The following BLZF1 variants were observed in gnomAD, a reference collection of about 807,000 sequenced individuals.
BLZF1 encodes golgin-45.
In BLZF1, 39 loss-of-function variants were observed where a neutral mutation model predicts 43.8. The observed-to-expected ratio is 0.89, with a 90% confidence interval of 0.69 to 1.16. The LOEUF is 1.16. Ranked by LOEUF, BLZF1 falls within the 50% of genes most tolerant of loss-of-function variation. The pLI, the probability that BLZF1 is intolerant of heterozygous loss-of-function variation, is 0.00. For missense variants in BLZF1, 449 were observed against 469.8 expected (o/e 0.96, Z 0.41); for synonymous variants, 136 against 159.4 (o/e 0.85, Z 1.11).
At chr1:169,385,488 A>G (rs1654640252) in intron 6 of BLZF1, among the ~76,000 whole-genome samples, 1 of 152,174 alleles carries the variant, frequency 6.6e-6, no homozygotes, top group Non-Finnish European at 1.5e-5. Flanking sequence ...CTTTCTGTTC[A>G]TATTAGTGGG....
At position 169,376,799 on chromosome 1, in the gene BLZF1, T is replaced by C; in HGVS notation, c.288T>C (p.Asn96=). The C allele has an allele frequency of 6.2e-7, 1 of 1,613,316 alleles. No homozygotes were observed. The highest frequency in any genetic ancestry group is 8.5e-7 in the Non-Finnish European group (1 of 1,179,556). Residue 96 remains asparagine (N), a synonymous_variant, in exon 3 of 7, where the codon AAT becomes AAC. Coordinates refer to ENST00000367808, the MANE Select transcript of BLZF1 (RefSeq NM_001320973.2). ...AAITHDIPNK[N]TKVKSLGHHK... ...TAACTCATGATATCCCCAACAAAAA[T>C]ACAAAGGTTAAGTCTCTGGGACATC...
chr1:169,370,849 A>G (rs1246575709), intron 2 of BLZF1, among the ~76,000 whole-genome samples: 1 of 152,168 alleles, frequency 6.6e-6, no homozygotes, highest in Non-Finnish European at 1.5e-5. Context: ...TTTATGATTC[A>G]TACCCTTATA....
downstream of BLZF1, among the ~76,000 whole-genome samples, chr1:169,391,808 T>C (rs1654820979): frequency 1.3e-5 from 1 of 74,918 alleles, no homozygotes; most frequent in Admixed American, 1.6e-4. Context: ...CAGTTACCCT[T>C]GTCTCCTGCT....
downstream of BLZF1, among the ~76,000 whole-genome samples, chr1:169,389,839 A>G (rs530073402): frequency 8.8e-4 from 134 of 152,164 alleles, 1 homozygote; most frequent in African/African-American, 3.1e-3. Context: ...GAAATAAGTC[A>G]GACACAAAAA....
rs1028995050 is a variant in BLZF1, at chr1:169,369,426, T to C, written c.-50-47T>C. 4.1e-6 allele frequency: 4 copies of C among 964,642 alleles called. No individual in the cohort carries two copies. In the Admixed American group the frequency reaches 7.4e-5, roughly 18 times the overall value. The allele number at this position is 964,642 out of a possible 1,614,324, so 59.8% of individuals were successfully genotyped here. On this transcript the variant is annotated intron_variant, in intron 1 of 6. Coordinates refer to ENST00000367808, the MANE Select transcript of BLZF1 (RefSeq NM_001320973.2). ...ACTTTTAAATTGGAGGTACTCTATG[T>C]GTTTATATGATATTTTTAAAATTAT... is the stretch of plus-strand genomic sequence containing the variant.
At chr1:169,390,648 G>GTAATTTC (rs1168737220), downstream of BLZF1, among the ~76,000 whole-genome samples, 1 of 148,432 alleles carries the variant, frequency 6.7e-6, no homozygotes, top group Non-Finnish European at 1.5e-5. Context: ...TTCAAAAAGG[G>GTAATTTC]AGAATTATTC....
rs890542109 is a variant in BLZF1, at chr1:169,378,467, T to C, written c.606T>C (p.Ser202=). Residue 202 remains serine (S), a synonymous_variant, in exon 4 of 7, where the codon TCT becomes TCC. Transcript: ENST00000367808. ...TAGGTCGAAACACAGCTCAGCTTTCTGAACAGTTAGAACGTATGTCAATAC... is the reference window on the plus strand; with the variant it reads ...TAGGTCGAAACACAGCTCAGCTTTCCGAACAGTTAGAACGTATGTCAATAC... The part of the protein sequence containing the change: ...EALGRNTAQL[S]EQLERMSIQC... 1 of 1,613,010 alleles carries C rather than the reference T, an allele frequency of 6.2e-7. No individual in the cohort carries two copies. The highest frequency in any genetic ancestry group is 8.5e-7 in the Non-Finnish European group (1 of 1,179,152).
chr1:169,390,253 A>G (rs1167635163), downstream of BLZF1, among the ~76,000 whole-genome samples: 1 of 152,072 alleles, frequency 6.6e-6, no homozygotes, highest in East Asian at 1.9e-4. Flanking sequence ...AATAAAAAAG[A>G]TCTCAAATCA....
At position 169,382,228 on chromosome 1, in the gene BLZF1, A is replaced by T; in HGVS notation, c.964A>T (p.Ile322Phe). ...GNVGINNQKK[I>F]PSTVEFCSTP... is the part of the protein sequence containing the mutation. Reference sequence around the variant, plus strand: ...TGTTGGCATTAACAATCAAAAAAAGATTCCATCAACAGTTGAATTCTGCAG... The same window carrying T: ...TGTTGGCATTAACAATCAAAAAAAGTTTCCATCAACAGTTGAATTCTGCAG... The change falls in exon 6 of 7, where the codon ATT becomes TTT. Residue 322 changes from isoleucine (I) to phenylalanine (F), a missense_variant. Transcript: ENST00000367808. 1 of 1,613,830 alleles carries T rather than the reference A, an allele frequency of 6.2e-7. No individual in the cohort carries two copies. The highest frequency in any genetic ancestry group is 8.5e-7 in the Non-Finnish European group (1 of 1,179,768).
At chr1:169,379,427 A>T (rs10458396) in intron 4 of BLZF1, among the ~76,000 whole-genome samples, 81,051 of 151,778 alleles carry the variant, frequency 0.53, 22,474 homozygotes, top group Non-Finnish European at 0.6. Flanking sequence ...TGGAAAAATG[A>T]ACTATTTATT....
At chr1:169,376,493 G>T in intron 2 of BLZF1, 47 bp from the exon 3 acceptor site, 1 of 1,510,092 alleles carries the variant, frequency 6.6e-7, no homozygotes, top group Admixed American at 2.2e-5. Flanking sequence ...CATTTTCTTG[G>T]CATTTCTTCT....
chr1:169,385,582 T>C (rs1347036214), intron 6 of BLZF1, among the ~76,000 whole-genome samples: 1 of 152,232 alleles, frequency 6.6e-6, no homozygotes, highest in East Asian at 1.9e-4. Flanking sequence ...TTATAGTATT[T>C]GAGAACTTAT....
intron 5 of BLZF1, among the ~76,000 whole-genome samples, chr1:169,381,094 G>A (rs144560796): frequency 6.6e-6 from 1 of 152,002 alleles, no homozygotes; most frequent in Admixed American, 6.6e-5. Context: ...GTGTCAAAGA[G>A]CAAATTATAG....
chr1:169,375,555 A>G (rs1484915640), intron 2 of BLZF1, among the ~76,000 whole-genome samples: 1 of 150,010 alleles, frequency 6.7e-6, no homozygotes, highest in Non-Finnish European at 1.5e-5. Context: ...CACACTTATT[A>G]TATATTATCC....
At chr1:169,380,780 G>A (rs1312592559) in intron 5 of BLZF1, among the ~76,000 whole-genome samples, 171 bp downstream of exon 5, 2 of 152,010 alleles carry the variant, frequency 1.3e-5, no homozygotes, top group African/African-American at 4.8e-5. Flanking sequence ...GGAGGGAAGA[G>A]GACTGAAAAA....
intron 7 of BLZF1, among the ~76,000 whole-genome samples, chr1:169,394,042 T>G (rs1310343274): frequency 6.6e-6 from 1 of 152,228 alleles, no homozygotes; most frequent in East Asian, 1.9e-4. Flanking sequence ...CACTGGATTC[T>G]TGTATACTCT....
In BLZF1 at chr1:169,369,473, G is replaced by T; in HGVS notation, c.-50G>T. On this transcript the variant is annotated splice_region_variant and 5_prime_UTR_variant, in exon 2 of 7. Transcript: ENST00000367808. The stretch of plus-strand genomic sequence containing the variant: ...TTATTTCATATGCATACATTTCTAG[G>T]TTGTTCAGCAGAAGTCTTGGAGTGC... 1 of 1,538,328 alleles carries T rather than the reference G, an allele frequency of 6.5e-7. No individual in the cohort carries two copies. Among genetic ancestry groups the T allele is most frequent in the Non-Finnish European group, 8.9e-7 (1 of 1,123,952 alleles).
intron 6 of BLZF1, among the ~76,000 whole-genome samples, chr1:169,386,647 C>G (rs1228407917): frequency 1.3e-5 from 2 of 149,048 alleles, no homozygotes; most frequent in African/African-American, 5.0e-5. Flanking sequence ...CCACTGCACT[C>G]CAGCCTGGGC....
In BLZF1 at chr1:169,387,695, T is replaced by C. The variant is rs138608541; in HGVS notation, c.*513T>C. ...TTTCTGACCTCAATTCTAAAGTAAT[T>C]GTAGTAGGGAGCTGGAGGACTTTCT... On this transcript the variant is annotated 3_prime_UTR_variant, in exon 7 of 7. Coordinates refer to ENST00000367808, the MANE Select transcript of BLZF1 (RefSeq NM_001320973.2). 1.3e-5 allele frequency: 2 copies of C among 152,412 alleles called. No individual in the cohort carries two copies. Among genetic ancestry groups the C allele is most frequent in the African/African-American group, 4.8e-5 (2 of 41,568 alleles). The allele number at this position is 152,412 out of a possible 1,614,324, so 9.4% of individuals were successfully genotyped here.
Sources: gnomAD v4.1 joint callset for allele counts (sites outside exome capture counted in the v4.1 genomes callset) on GRCh38, gnomAD v4.1.1 for gene constraint, MANE v1.5 for transcripts, NCBI Gene and HGNC (gene_info 2026-07-23, HGNC 2026-07-21) for gene names.